PTPRU: variants seen among roughly 807,000 people sequenced by gnomAD.
PTPRU encodes receptor-type tyrosine-protein phosphatase U.
PTPRU carries 69 observed loss-of-function variants against 166.3 expected under a neutral mutation model. The observed-to-expected ratio is 0.41, with a 90% CI of 0.34 to 0.51. The LOEUF (loss-of-function observed/expected upper bound fraction) is 0.51, where lower values mean the gene tolerates loss of function less well. PTPRU is among the 20% of genes least tolerant of loss of function. The pLI is 0.09. For synonymous variants in PTPRU, 793 were observed against 814.0 expected, an observed-to-expected ratio of 0.97 and a Z score of 0.44; for missense variants, 1,657 against 2,013.7, an observed-to-expected ratio of 0.82 and a Z score of 3.39.
chr1:29,296,872 G>A (rs1403866920), intron 15 of PTPRU, among the ~76,000 whole-genome samples: 1 of 151,422 alleles, frequency 6.6e-6, no homozygotes, highest in Non-Finnish European at 1.5e-5. Flanking sequence ...CAACTATTCA[G>A]GCTTTCTATT....
chr1:29,301,204 G>T (rs946181164), intron 15 of PTPRU, among the ~76,000 whole-genome samples: 1 of 152,134 alleles, frequency 6.6e-6, no homozygotes, highest in African/African-American at 2.4e-5. Flanking sequence ...AGGGACATGC[G>T]TACAATCATG....
At position 29,317,945 on chromosome 1, in the gene PTPRU, C is replaced by T; in HGVS notation, c.3687+24C>T. 1 of 1,611,560 alleles carries T rather than the reference C, an allele frequency of 6.2e-7. No individual in the cohort carries two copies. The highest frequency in any genetic ancestry group is 8.5e-7 in the Non-Finnish European group (1 of 1,179,044). ...ACGTGAGAGCTTGGGGTGGAGTGGG[C>T]TCTGGGGCTCCCCTTCCCAGCAGCA... On this transcript the variant is annotated intron_variant, in intron 25 of 29. Transcript: ENST00000373779. This position sits in a 1 kb window ranked among gnomAD's most constrained non-coding sequence, Gnocchi z 5.6.
intron 15 of PTPRU, among the ~76,000 whole-genome samples, chr1:29,302,775 T>C (rs1417781731): frequency 6.6e-6 from 1 of 152,186 alleles, no homozygotes; most frequent in Non-Finnish European, 1.5e-5. Flanking sequence ...GGTCTTGAAC[T>C]CCTGACCTCA....
chr1:29,260,504 G>A lies in PTPRU; in HGVS notation c.851-106G>A. 1.2e-6 allele frequency: 1 copy of A among 865,284 alleles called. No homozygotes were observed. Among genetic ancestry groups the A allele is most frequent in the Non-Finnish European group, 1.7e-6 (1 of 596,306 alleles). The allele number at this position is 865,284 out of a possible 1,614,324, so 53.6% of individuals were successfully genotyped here. A position where few individuals can be genotyped will look rare whatever the true frequency, so the allele number is the denominator to read the frequency against. ...TGAGGGCTTGGTAGCAGCGTGAGAG[G>A]CCCTAGGAGGACGGAGAGGGATTTG... On this transcript the variant is annotated intron_variant, in intron 6 of 29. Coordinates refer to ENST00000373779, the MANE Select transcript of PTPRU (RefSeq NM_133178.4). This position sits in a 1 kb window ranked among gnomAD's most constrained non-coding sequence, Gnocchi z 8.3.
At chr1:29,275,371 G>A in intron 7 of PTPRU, 77 bp from the exon 8 acceptor site, 1 of 1,416,898 alleles carries the variant, frequency 7.1e-7, no homozygotes, top group South Asian at 1.4e-5. Flanking sequence ...GCTGACTGAT[G>A]CTTTCTCTCC....
At chr1:29,240,898 A>G (rs1186439170) in intron 1 of PTPRU, among the ~76,000 whole-genome samples, 2 of 152,054 alleles carry the variant, frequency 1.3e-5, no homozygotes, top group Non-Finnish European at 1.5e-5. Context: ...GTGGGGTCAC[A>G]GCCTCTGTTC....
chr1:29,309,312 A>G (rs370780088), intron 18 of PTPRU, among the ~76,000 whole-genome samples: 13 of 152,136 alleles, frequency 8.5e-5, no homozygotes, highest in Non-Finnish European at 1.6e-4. Flanking sequence ...GCCTTTTAAC[A>G]AGATCCCCCG....
chr1:29,318,855 G>A (rs1688019584), intron 25 of PTPRU, among the ~76,000 whole-genome samples: 1 of 152,226 alleles, frequency 6.6e-6, no homozygotes, highest in South Asian at 2.1e-4. Context: ...ATGGGCCAGG[G>A]CCAGGTGTGT....
intron 15 of PTPRU, among the ~76,000 whole-genome samples, chr1:29,293,235 C>T (rs539777127): frequency 2.2e-4 from 33 of 152,280 alleles, no homozygotes; most frequent in Middle Eastern, 3.4e-3. Flanking sequence ...ACCTTGGCCT[C>T]CCAGAGTCTT....
At chr1:29,318,897 G>A (rs2151969929) in intron 25 of PTPRU, among the ~76,000 whole-genome samples, 1 of 152,358 alleles carries the variant, frequency 6.6e-6, no homozygotes, top group South Asian at 2.1e-4. Flanking sequence ...GGAAATGAGG[G>A]ATGCCGATGG....
chr1:29,305,986 A>G (rs891760337), intron 18 of PTPRU, among the ~76,000 whole-genome samples: 4 of 152,254 alleles, frequency 2.6e-5, no homozygotes, highest in Non-Finnish European at 4.4e-5. Flanking sequence ...CCTTTGAGGC[A>G]GTTAGCACCA....
chr1:29,252,417 G>A (rs994862392), intron 1 of PTPRU, among the ~76,000 whole-genome samples: 4 of 151,910 alleles, frequency 2.6e-5, no homozygotes, highest in Admixed American at 2.6e-4. Context: ...ATAGGCATGC[G>A]CCACCACACC....
intron 29 of PTPRU, 101 bp from the exon 30 acceptor site, chr1:29,325,498 G>C: frequency 6.6e-7 from 1 of 1,512,496 alleles, no homozygotes; most frequent in Non-Finnish European, 9.1e-7. Flanking sequence ...GCGGGCCTGG[G>C]CTCGGGCTCG....
Position 29,255,303 on chromosome 1 carries a change from C to G in PTPRU, c.102C>G (p.Asp34Glu), listed in dbSNP as rs748891901. The G allele has an allele frequency of 2.5e-6, 4 of 1,613,928 alleles. No individual in the cohort carries two copies. Among genetic ancestry groups the G allele is most frequent in the Non-Finnish European group, 1.7e-6 (2 of 1,179,892 alleles). The change falls in exon 2 of 30, where the codon GAC (aspartate) becomes GAG (glutamate). Residue 34 changes from aspartate to glutamate, a missense_variant. Asp to Glu is a conservative substitution (Grantham distance 45, BLOSUM62 2). Transcript: ENST00000373779. ...AAGCTFEEAS[D>E]PAVPCEYSQA... is the part of the protein sequence containing the mutation. ...GCTGCACCTTCGAGGAGGCAAGTGA[C>G]CCAGCAGTGCCCTGCGAGTACAGCC...
Position 29,260,672 on chromosome 1 carries a change from CA to C in PTPRU, c.914del (p.Gln305ArgfsTer80). 1 of 1,550,994 alleles carries C rather than the reference CA, an allele frequency of 6.4e-7. No homozygotes were observed. The highest frequency in any genetic ancestry group is 8.7e-7 in the Non-Finnish European group (1 of 1,145,190). ...TGCTGGCCCCACCTACCTCATCATC[CA>C]GCTCAACACCAACTCCATCATTGGC... ...LRAGPTYLII[Q>X]LNTNSIIGDG... On this transcript the variant is annotated frameshift_variant, in exon 7 of 30. Coordinates refer to ENST00000373779, the MANE Select transcript of PTPRU (RefSeq NM_133178.4). LOFTEE classifies it high-confidence loss of function. The surrounding 1 kb of genome is among the most constrained non-coding windows in gnomAD (Gnocchi z 8.3).
chr1:29,318,686 T>C (rs1688009035), intron 25 of PTPRU, among the ~76,000 whole-genome samples: 2 of 152,170 alleles, frequency 1.3e-5, no homozygotes, highest in South Asian at 4.1e-4. Context: ...CTCCCCGATA[T>C]AGCCGTGCAA....
intron 1 of PTPRU, among the ~76,000 whole-genome samples, chr1:29,240,336 G>A (rs751950236): frequency 7.9e-5 from 12 of 152,138 alleles, no homozygotes; most frequent in Non-Finnish European, 1.8e-4. Flanking sequence ...ACAGAGACTG[G>A]GTTTTTAGTT....
chr1:29,300,030 G>C (rs575976491), intron 15 of PTPRU, among the ~76,000 whole-genome samples: 2 of 152,190 alleles, frequency 1.3e-5, no homozygotes, highest in Admixed American at 6.5e-5. Context: ...TGCCCTTGCA[G>C]GTGCTCGCTG....
chr1:29,325,224 C>T lies in PTPRU; in HGVS notation c.4146C>T (p.Ala1382=). ...NGGGRSGTFC[A]CATVLEMIRC... ...GAGGACGCAGCGGCACCTTCTGCGC[C>T]TGCGCCACGGTCCTGGAGATGATCC... Residue 1382 remains alanine, a synonymous_variant, in exon 29 of 30, where the codon GCC becomes GCT. Transcript: ENST00000373779. The T allele has an allele frequency of 3.1e-6, 5 of 1,614,248 alleles. No homozygotes were observed. Among genetic ancestry groups the T allele is most frequent in the Non-Finnish European group, 4.2e-6 (5 of 1,180,044 alleles).
Sources: allele counts gnomAD v4.1 joint callset (sites outside exome capture counted in the v4.1 genomes callset), GRCh38; gene constraint gnomAD v4.1.1; non-coding constraint Gnocchi (gnomAD v3.1); transcripts MANE v1.5; gene names NCBI Gene and HGNC (gene_info 2026-07-23, HGNC 2026-07-21).